Variants in NRCAM observed in about 807,000 individuals in gnomAD.
NRCAM encodes the protein NgCAM-related cell adhesion molecule.
Under a neutral mutation model 156.5 loss-of-function variants are expected in NRCAM, and 83 were observed. The ratio of observed to expected loss-of-function variants is 0.53; its 90% CI spans 0.44 to 0.64. The LOEUF is 0.64. Among genes scored for constraint, NRCAM ranks in the 30% least tolerant of loss-of-function variants. The pLI, the probability that NRCAM is intolerant of heterozygous loss-of-function variation, is 0.00. For synonymous variants in NRCAM, 538 were observed against 563.9 expected (o/e 0.95, Z 0.65); for missense variants, 1,417 against 1,597.3 (o/e 0.89, Z 1.92).
At chr7:108,418,066 A>T (rs1803970815) in intron 1 of NRCAM, among the ~76,000 whole-genome samples, 1 of 152,134 alleles carries the variant, frequency 6.6e-6, no homozygotes, top group South Asian at 2.1e-4. Flanking sequence ...CTCTTACATC[A>T]TGCCCACAGA....
At chr7:108,427,805 C>A (rs1271268080) in intron 1 of NRCAM, among the ~76,000 whole-genome samples, 3 of 152,102 alleles carry the variant, frequency 2.0e-5, no homozygotes, top group African/African-American at 7.2e-5. Context: ...AACAGCAAAT[C>A]CAAGAAACTC....
intron 25 of NRCAM, among the ~76,000 whole-genome samples, chr7:108,179,748 T>C (rs890368841): frequency 6.6e-6 from 1 of 152,210 alleles, no homozygotes; most frequent in Admixed American, 6.5e-5. Flanking sequence ...TCGGTTCAAC[T>C]TTCTAATAAA....
chr7:108,218,654 G>A (rs568509522), intron 11 of NRCAM, among the ~76,000 whole-genome samples: 3 of 152,194 alleles, frequency 2.0e-5, no homozygotes, highest in Non-Finnish European at 2.9e-5. Flanking sequence ...AAAATTCTTC[G>A]AACTGAACGA....
intron 2 of NRCAM, among the ~76,000 whole-genome samples, chr7:108,330,971 T>G (rs560436949): frequency 6.6e-6 from 1 of 152,244 alleles, no homozygotes; most frequent in African/African-American, 2.4e-5. Flanking sequence ...TTAGTTATGC[T>G]TAGTATCCAT....
chr7:108,172,983 A>ATTTT (rs143144704), intron 28 of NRCAM, among the ~76,000 whole-genome samples: 3 of 118,776 alleles, frequency 2.5e-5, no homozygotes, highest in Non-Finnish European at 3.4e-5. Flanking sequence ...TGAGATGTTG[A>ATTTT]TTTTTTTTTT....
At chr7:108,280,816 C>G (rs1366396469) in intron 3 of NRCAM, among the ~76,000 whole-genome samples, 1 of 143,138 alleles carries the variant, frequency 7.0e-6, no homozygotes, top group Non-Finnish European at 1.5e-5. Context: ...TAGTCTGGGT[C>G]TGTATGCTCA....
At chr7:108,420,925 G>T (rs1558037) in intron 1 of NRCAM, among the ~76,000 whole-genome samples, 143,993 of 152,304 alleles carry the variant, frequency 0.95, 68,127 homozygotes, top group East Asian at 1. Flanking sequence ...CTATTCATGA[G>T]GAATATCTCT....
intron 19 of NRCAM, among the ~76,000 whole-genome samples, chr7:108,190,960 C>T (rs1348744292): frequency 6.6e-6 from 1 of 152,172 alleles, no homozygotes; most frequent in African/African-American, 2.4e-5. Context: ...TGAAAAAGCA[C>T]TATGCTACTT....
intron 5 of NRCAM, 116 bp from the exon 6 acceptor site, chr7:108,234,804 T>C (rs1361654562): frequency 1.2e-6 from 1 of 800,642 alleles, no homozygotes; most frequent in Non-Finnish European, 2.2e-6. Context: ...CAAGTATTTT[T>C]AGTAATTTCT....
At chr7:108,164,395 T>C (rs998591950) in intron 30 of NRCAM, among the ~76,000 whole-genome samples, 5 of 152,028 alleles carry the variant, frequency 3.3e-5, no homozygotes, top group African/African-American at 7.3e-5. Context: ...GGTAGGAAGA[T>C]TGATGAAATA....
chr7:108,334,032 A>G (rs866964409), intron 2 of NRCAM, among the ~76,000 whole-genome samples: 1 of 152,206 alleles, frequency 6.6e-6, no homozygotes, highest in Non-Finnish European at 1.5e-5. Flanking sequence ...AATATTTTTC[A>G]TATTGCTAAC....
intron 13 of NRCAM, among the ~76,000 whole-genome samples, chr7:108,198,593 GA>G (rs899713602): frequency 1.3e-5 from 2 of 151,856 alleles, no homozygotes; most frequent in South Asian, 2.1e-4. Flanking sequence ...TTATTTAGGA[GA>G]AAAAAAGTTA....
chr7:108,393,796 C>G (rs769084402), intron 2 of NRCAM, among the ~76,000 whole-genome samples: 3 of 152,184 alleles, frequency 2.0e-5, no homozygotes, highest in Non-Finnish European at 4.4e-5. Context: ...GATTCCAGAG[C>G]CAGTACCTTA....
intron 1 of NRCAM, among the ~76,000 whole-genome samples, chr7:108,414,654 G>A (rs545174996): frequency 6.6e-6 from 1 of 152,276 alleles, no homozygotes; most frequent in South Asian, 2.1e-4. Flanking sequence ...TTAGAAAATG[G>A]GAGCCATTTG....
Position 108,326,480 on chromosome 7 carries a change from T to A in NRCAM, c.-173-13749A>T, listed in dbSNP as rs181759325. ...AGGCTAAGTATTACACAGTATAGTATCTCTAGCAAGATTTCCTGAGAAAAA... is the reference window on the plus strand; with the variant it reads ...AGGCTAAGTATTACACAGTATAGTAACTCTAGCAAGATTTCCTGAGAAAAA... On this transcript the variant is annotated intron_variant, in intron 2 of 32. Coordinates refer to ENST00000379028, the MANE Select transcript of NRCAM (RefSeq NM_001037132.4). Among the ~76,000 whole-genome samples, 6 of 152,262 alleles carry A rather than the reference T, an allele frequency of 3.9e-5. No individual in the cohort carries two copies. The East Asian group carries it at 9.6e-4, about 24-fold the overall frequency.
At chr7:108,177,624 AATATATAT>A (rs59391934) in intron 26 of NRCAM, among the ~76,000 whole-genome samples, 916 of 80,374 alleles carry the variant, frequency 0.011, 10 homozygotes, top group African/African-American at 0.019. Context: ...CTCCATCTCA[AATATATAT>A]ATATATATAT....
intron 3 of NRCAM, among the ~76,000 whole-genome samples, chr7:108,254,551 C>CTTTT (rs71137620): frequency 3.1e-5 from 4 of 130,332 alleles, no homozygotes; most frequent in Non-Finnish European, 3.2e-5. Flanking sequence ...AACAATTTTG[C>CTTTT]TTTTTTTTTT....
chr7:108,198,202 C>A (rs1471164125), intron 13 of NRCAM, 103 bp from the exon 14 acceptor site: 2 of 805,444 alleles, frequency 2.5e-6, no homozygotes, highest in Non-Finnish European at 3.7e-6. Flanking sequence ...GCTCTAAGTA[C>A]ATGCAGTAAG....
At chr7:108,322,974 T>A (rs1323178149) in intron 2 of NRCAM, among the ~76,000 whole-genome samples, 1 of 152,168 alleles carries the variant, frequency 6.6e-6, no homozygotes, top group African/African-American at 2.4e-5. Context: ...GGGTTAATAA[T>A]CCTGACCTAT....
Sources: allele counts gnomAD v4.1 joint callset (sites outside exome capture counted in the v4.1 genomes callset), GRCh38; gene constraint gnomAD v4.1.1; transcripts MANE v1.5; gene names NCBI Gene and HGNC (gene_info 2026-07-23, HGNC 2026-07-21).